Variants in WWTR1 observed in about 807,000 individuals in gnomAD.
The protein encoded by WWTR1 is WW domain containing transcription regulator 1.
WWTR1 carries 13 observed loss-of-function variants against 40.1 expected under a neutral mutation model. The ratio of observed to expected loss-of-function variants is 0.32; its 90% CI spans 0.21 to 0.52. The LOEUF is 0.52. Ranked by LOEUF, WWTR1 falls within the 20% of genes least tolerant of loss-of-function variation. The probability of loss-of-function intolerance (pLI) is 0.97; values close to 1 mark genes in which losing one functional copy is unlikely to be tolerated. For missense variants in WWTR1, 436 were observed against 523.1 expected (o/e 0.83, Z 1.63); for synonymous variants, 230 against 210.1 (o/e 1.09, Z -0.82).
At chr3:149,684,773 A>C (rs536663930) in intron 1 of WWTR1, among the ~76,000 whole-genome samples, 2 of 152,264 alleles carry the variant, frequency 1.3e-5, no homozygotes, top group Admixed American at 1.3e-4. Flanking sequence ...CATGTTGCTC[A>C]GGCTGCTTTC....
chr3:149,524,583 C>A (rs1215499317), intron 6 of WWTR1, among the ~76,000 whole-genome samples: 2 of 152,106 alleles, frequency 1.3e-5, no homozygotes, highest in South Asian at 4.1e-4. Context: ...AACTGAAGAA[C>A]AGTAAAACAA....
intron 3 of WWTR1, among the ~76,000 whole-genome samples, chr3:149,548,889 A>G (rs1249207629): frequency 6.6e-6 from 1 of 152,150 alleles, no homozygotes; most frequent in Non-Finnish European, 1.5e-5. Flanking sequence ...GTGAATGGGT[A>G]AGGCCTCCCC....
chr3:149,585,928 A>C (rs1047787700), intron 2 of WWTR1, among the ~76,000 whole-genome samples: 8 of 152,256 alleles, frequency 5.3e-5, no homozygotes, highest in Non-Finnish European at 1.2e-4. Flanking sequence ...CTATGACTTC[A>C]ACTAATGGAA....
intron 1 of WWTR1, among the ~76,000 whole-genome samples, chr3:149,683,486 G>A (rs1714527963): frequency 6.6e-6 from 1 of 152,136 alleles, no homozygotes; most frequent in African/African-American, 2.4e-5. Flanking sequence ...TTGAGGTCAG[G>A]AATTCTATAC....
intron 3 of WWTR1, among the ~76,000 whole-genome samples, chr3:149,560,963 C>CG (rs1307541888): frequency 1.3e-5 from 2 of 151,732 alleles, no homozygotes; most frequent in South Asian, 4.2e-4. Context: ...AACACCCCCC[C>CG]CCGCAAAAAA....
intron 2 of WWTR1, among the ~76,000 whole-genome samples, chr3:149,588,426 C>T (rs1738531257): frequency 6.6e-6 from 1 of 152,162 alleles, no homozygotes; most frequent in African/African-American, 2.4e-5. Flanking sequence ...CAAACCAATA[C>T]AAGTATGCAG....
At chr3:149,621,919 A>G (rs1740295221) in intron 2 of WWTR1, among the ~76,000 whole-genome samples, 1 of 152,174 alleles carries the variant, frequency 6.6e-6, no homozygotes, top group South Asian at 2.1e-4. Flanking sequence ...TGGGACCCAA[A>G]GAGTCAAAAT....
At chr3:149,654,529 G>A (rs758860284) in intron 2 of WWTR1, among the ~76,000 whole-genome samples, 6 of 152,106 alleles carry the variant, frequency 3.9e-5, no homozygotes, top group African/African-American at 7.2e-5. Flanking sequence ...ACTCTGCTTT[G>A]GATTGGAGAG....
chr3:149,649,165 T>A (rs1176617893), intron 2 of WWTR1: 1 of 152,134 alleles, frequency 6.6e-6, no homozygotes, highest in Non-Finnish European at 1.5e-5. Flanking sequence ...GCTAATTTTG[T>A]ATTTTTAATA....
chr3:149,664,857 G>A (rs1713741288), intron 2 of WWTR1, among the ~76,000 whole-genome samples: 1 of 151,946 alleles, frequency 6.6e-6, no homozygotes, highest in African/African-American at 2.4e-5. Context: ...TCAAAGTGCT[G>A]GGATTATAGG....
chr3:149,594,407 T>C lies in WWTR1; in HGVS notation c.432-21407A>G, dbSNP rs910328910. On this transcript the variant is annotated intron_variant, in intron 2 of 6. Coordinates refer to ENST00000360632, the MANE Select transcript of WWTR1 (RefSeq NM_015472.6). The stretch of plus-strand genomic sequence containing the variant: ...ATGTAAAAAAACACATCTGAGACCA[T>C]TAGGAATATTTGAATATGTACTGGA... Among the ~76,000 whole-genome samples, 3 of 152,288 alleles carry C rather than the reference T, an allele frequency of 2.0e-5. No individual in the cohort carries two copies. The South Asian group carries it at 6.2e-4, about 32-fold the overall frequency.
intron 3 of WWTR1, among the ~76,000 whole-genome samples, chr3:149,552,853 C>A (rs1049055722): frequency 6.6e-6 from 1 of 152,196 alleles, no homozygotes. Flanking sequence ...TCCCAGGGTT[C>A]TTTCATCAGC....
chr3:149,616,819 C>T (rs1194000404), intron 2 of WWTR1, among the ~76,000 whole-genome samples: 1 of 152,146 alleles, frequency 6.6e-6, no homozygotes, highest in Non-Finnish European at 1.5e-5. Flanking sequence ...CTTTCTAAAA[C>T]TGAACCTAAG....
chr3:149,590,716 A>G (rs781228734), intron 2 of WWTR1, among the ~76,000 whole-genome samples: 8 of 152,234 alleles, frequency 5.3e-5, no homozygotes, highest in Non-Finnish European at 1.2e-4. Flanking sequence ...TCCATGTGGC[A>G]GAGCAGAGTC....
intron 2 of WWTR1, among the ~76,000 whole-genome samples, chr3:149,629,544 A>C (rs1711501388): frequency 6.6e-6 from 1 of 152,208 alleles, no homozygotes; most frequent in African/African-American, 2.4e-5. Flanking sequence ...AAATCTGAGG[A>C]AAATAGTCTC....
chr3:149,665,025 C>A (rs1560110145), intron 2 of WWTR1, among the ~76,000 whole-genome samples: 1 of 152,004 alleles, frequency 6.6e-6, no homozygotes, highest in East Asian at 1.9e-4. Context: ...TTTTTGCTAT[C>A]ATTTTGGGGC....
At chr3:149,672,531 A>C (rs1172249124) in intron 1 of WWTR1, among the ~76,000 whole-genome samples, 1 of 152,180 alleles carries the variant, frequency 6.6e-6, no homozygotes, top group African/African-American at 2.4e-5. Flanking sequence ...TTATTATTAC[A>C]ATTATTATTG....
intron 5 of WWTR1, among the ~76,000 whole-genome samples, chr3:149,717,219 C>T (rs942854896): frequency 2.0e-5 from 3 of 152,190 alleles, no homozygotes; most frequent in East Asian, 3.9e-4. Context: ...CTTTCCCGTT[C>T]GAAAGCAGTT....
Position 149,633,832 on chromosome 3 carries a change from G to C in WWTR1, c.431+23044C>G, listed in dbSNP as rs183278990. The stretch of plus-strand genomic sequence containing the variant: ...GTGGGTGGCAGCAAATGGGTTGCAA[G>C]GGAAGTGAGGCTCGATGAGCAGGGT... On this transcript the variant is annotated intron_variant, in intron 2 of 6. Transcript: ENST00000360632. Among the ~76,000 whole-genome samples, 589 of 152,268 alleles carry C rather than the reference G, an allele frequency of 3.9e-3. 3 individuals carry two copies. Among genetic ancestry groups the C allele is most frequent in the Non-Finnish European group, 6.9e-3 (472 of 68,018 alleles).
Sources: allele counts gnomAD v4.1 joint callset (sites outside exome capture counted in the v4.1 genomes callset), GRCh38; gene constraint gnomAD v4.1.1; transcripts MANE v1.5; gene names NCBI Gene and HGNC (gene_info 2026-07-23, HGNC 2026-07-21).